Variants in HOXA10 observed in about 807,000 individuals in gnomAD.
HOXA10 encodes homeobox protein Hox-A10.
A neutral mutation model predicts 29.7 loss-of-function variants in HOXA10; 12 were observed. The ratio of observed to expected loss-of-function variants is 0.40; its 90% confidence interval spans 0.26 to 0.65. The LOEUF (loss-of-function observed/expected upper bound fraction) is 0.65, where lower values mean the gene tolerates loss of function less well. Ranked by LOEUF, HOXA10 falls within the 30% of genes least tolerant of loss-of-function variation. HOXA10 has a pLI of 0.37. For synonymous variants in HOXA10, 327 were observed against 280.7 expected (o/e 1.16, Z -1.65); for missense variants, 656 against 585.9 (o/e 1.12, Z -1.24).
At position 27,173,761 on chromosome 7, in the gene HOXA10, C is replaced by T. The variant is rs373374162; in HGVS notation, c.546G>A (p.Ser182=). 4.4e-6 allele frequency: 7 copies of T among 1,606,358 alleles called. No individual in the cohort carries two copies. Among genetic ancestry groups the T allele is most frequent in the African/African-American group, 1.3e-5 (1 of 74,716 alleles). ...YDSADKCPKV[S]ATAAELAPFP... is the part of the protein sequence containing the mutation. ...AGGGAGCCAGTTCGGCGGCGGTGGC[C>T]GAGACTTTGGGGCATTTGTCCGCCG... The change falls in exon 1 of 2, where the codon TCG becomes TCA. Residue 182 remains serine (S), a synonymous_variant. Transcript: ENST00000283921.
chr7:27,175,027 G>C (rs1783628767), upstream of HOXA10: 1 of 152,238 alleles, frequency 6.6e-6, no homozygotes, highest in South Asian at 2.1e-4. Flanking sequence ...TTCTCCTCTG[G>C]TGTTGTGCTC....
At chr7:27,178,111 T>G (rs1055881620), upstream of HOXA10, among the ~76,000 whole-genome samples, 5 of 152,214 alleles carry the variant, frequency 3.3e-5, no homozygotes, top group African/African-American at 9.6e-5. Context: ...AGATCGAAAC[T>G]GCTAGTAAAC....
In HOXA10 at chr7:27,173,829, C is replaced by T; in HGVS notation, c.478G>A (p.Ala160Thr). 6.2e-7 allele frequency: 1 copy of T among 1,610,898 alleles called. No individual in the cohort carries two copies. The highest frequency in any genetic ancestry group is 8.5e-7 in the Non-Finnish European group (1 of 1,178,618). ...GAGCTCTCTTCTTTGATGTTCTGCG[C>T]GAAAGAGCACGAGGTGGCCTGCGGC... is the stretch of plus-strand genomic sequence containing the variant. ...PAPQATSCSF[A>T]QNIKEESSYC... Residue 160 changes from alanine (A) to threonine (T), a missense_variant, in exon 1 of 2, where the codon GCG becomes ACG. Around this residue, in one of 2 missense-constraint regions of HOXA10, gnomAD observed 594 missense variants for 491.9 expected, o/e 1.21. Coordinates refer to ENST00000283921, the MANE Select transcript of HOXA10 (RefSeq NM_018951.4).
At position 27,173,918 on chromosome 7, in the gene HOXA10, G is replaced by A; in HGVS notation, c.389C>T (p.Pro130Leu). Residue 130 changes from proline to leucine, a missense_variant, in exon 1 of 2, where the codon CCT becomes CTT. Pro to Leu is a moderately conservative substitution (Grantham distance 98). This residue lies in a region of HOXA10 where 594 missense variants were observed against 491.9 expected (regional missense o/e 1.21). Transcript: ENST00000283921. ...DAPRSCRMEP[P>L]DGPPPPPQQQ... ...CTGGGGCGGCGGCGGCGGCCCGTCA[G>A]GCGGCTCCATCCGGCAAGACCGGGG... The A allele has an allele frequency of 6.6e-7, 1 of 1,522,610 alleles. No individual in the cohort carries two copies. The highest frequency in any genetic ancestry group is 8.8e-7 in the Non-Finnish European group (1 of 1,137,172). 94.3% of individuals were successfully genotyped at this position (1,522,610 alleles called of 1,614,324 possible).
At position 27,171,200 on chromosome 7, in the gene HOXA10, A is replaced by G. The variant is rs770477352; in HGVS notation, c.*699T>C. 13 of 454,094 alleles carry G rather than the reference A, an allele frequency of 2.9e-5. No individual in the cohort carries two copies. The highest frequency in any genetic ancestry group is 5.7e-5 in the Non-Finnish European group (13 of 226,780). 28.1% of individuals were successfully genotyped at this position (454,094 alleles called of 1,614,324 possible). A position where few individuals can be genotyped will look rare whatever the true frequency, so the allele number is the denominator to read the frequency against. On this transcript the variant is annotated 3_prime_UTR_variant, in exon 2 of 2. Transcript: ENST00000283921. ...TAAGACCTTACAGAAACTGGAAGAGAAGTCCCCTTCTCTTGGTAATTCTTT... is the reference window on the plus strand; with the variant it reads ...TAAGACCTTACAGAAACTGGAAGAGGAGTCCCCTTCTCTTGGTAATTCTTT...
Position 27,170,867 on chromosome 7 carries a change from T to A in HOXA10, c.*1032A>T, listed in dbSNP as rs1783457649. 2.2e-6 allele frequency: 1 copy of A among 454,400 alleles called. No homozygotes were observed. The highest frequency in any genetic ancestry group is 1.6e-5 in the South Asian group (1 of 64,474). 28.1% of individuals were successfully genotyped at this position (454,400 alleles called of 1,614,324 possible). A position where few individuals can be genotyped will look rare whatever the true frequency, so the allele number is the denominator to read the frequency against. On this transcript the variant is annotated 3_prime_UTR_variant, in exon 2 of 2. Coordinates refer to ENST00000283921, the MANE Select transcript of HOXA10 (RefSeq NM_018951.4). ...CCCTTTTATGCATGTAACTTCACAG[T>A]ATAAAGGAAATCCAAACAATGTCTC...
In HOXA10 at chr7:27,172,129, T is replaced by C; in HGVS notation, c.1003A>G (p.Ser335Gly). Reference protein sequence around the residue: ...ENAANWLTAKSGRKKRCPYTK... With the variant: ...ENAANWLTAKGGRKKRCPYTK... ...TAGGGGCAGCGCTTCTTCCGACCAC[T>C]CTTTGCCGTGAGCCAGTTGGCTGCG... The change falls in exon 2 of 2, where the codon AGT becomes GGT. Residue 335 changes from serine (S) to glycine (G), a missense_variant. Ser to Gly is a moderately conservative substitution (Grantham distance 56). Coordinates refer to ENST00000283921, the MANE Select transcript of HOXA10 (RefSeq NM_018951.4). 1.2e-6 allele frequency: 2 copies of C among 1,614,156 alleles called. No individual in the cohort carries two copies. Among genetic ancestry groups the C allele is most frequent in the Non-Finnish European group, 1.7e-6 (2 of 1,180,018 alleles).
upstream of HOXA10, among the ~76,000 whole-genome samples, chr7:27,177,516 TA>T (rs1783675511): frequency 6.6e-6 from 1 of 152,132 alleles, no homozygotes; most frequent in Non-Finnish European, 1.5e-5. Flanking sequence ...AAGCTCAAGT[TA>T]AACGCCTCCT....
Position 27,173,548 on chromosome 7 carries a change from C to T in HOXA10, c.759G>A (p.Pro253=). The T allele has an allele frequency of 1.4e-6, 2 of 1,453,994 alleles. No homozygotes were observed. The highest frequency in any genetic ancestry group is 1.4e-5 in the South Asian group (1 of 70,638). The allele number at this position is 1,453,994 out of a possible 1,614,324, so 90.1% of individuals were successfully genotyped here. ...CGGCCGAGCCGGAGGCTAGCGCGGG[C>T]GGGAGATCGAAACCGCGCCCCGGGG... ...AQPPGRGFDL[P]PALASGSADA... is the part of the protein sequence containing the mutation. The change falls in exon 1 of 2, where the codon CCG becomes CCA. Residue 253 remains proline (P), a synonymous_variant. Coordinates refer to ENST00000283921, the MANE Select transcript of HOXA10 (RefSeq NM_018951.4).
At chr7:27,174,528 G>T (rs75889309), upstream of HOXA10, among the ~76,000 whole-genome samples, 3,424 of 152,314 alleles carry the variant, frequency 0.022, 113 homozygotes, top group African/African-American at 0.078. Flanking sequence ...CCCGAAGGCC[G>T]GGAGCTGTGG....
At chr7:27,174,489 G>A (rs2115453644), upstream of HOXA10, among the ~76,000 whole-genome samples, 1 of 152,324 alleles carries the variant, frequency 6.6e-6, no homozygotes, top group South Asian at 2.1e-4. Flanking sequence ...CTGTATTGAT[G>A]GGCCAGGAGA....
Position 27,173,524 on chromosome 7 carries a change from G to T in HOXA10, c.783C>A (p.Ala261=), listed in dbSNP as rs1279432875. 5.5e-6 allele frequency: 8 copies of T among 1,459,066 alleles called. No homozygotes were observed. The highest frequency in any genetic ancestry group is 5.5e-5 in the Admixed American group (2 of 36,608). 90.4% of individuals were successfully genotyped at this position (1,459,066 alleles called of 1,614,324 possible). The change falls in exon 1 of 2, where the codon GCC becomes GCA. Residue 261 remains alanine (A), a synonymous_variant. Transcript: ENST00000283921. ...DLPPALASGS[A]DAARKERALD... is the part of the protein sequence containing the mutation. Reference sequence around the variant, plus strand: ...GGGCTCGCTCCTTCCGGGCCGCATCGGCCGAGCCGGAGGCTAGCGCGGGCG... The same window carrying T: ...GGGCTCGCTCCTTCCGGGCCGCATCTGCCGAGCCGGAGGCTAGCGCGGGCG...
At chr7:27,174,521 G>A (rs1028257556), upstream of HOXA10, among the ~76,000 whole-genome samples, 20 of 152,206 alleles carry the variant, frequency 1.3e-4, no homozygotes, top group Admixed American at 2.6e-4. Context: ...ACCTTGGCCC[G>A]AAGGCCGGGA....
In HOXA10 at chr7:27,171,760, T is replaced by A. The variant is rs765302128; in HGVS notation, c.*139A>T. The stretch of plus-strand genomic sequence containing the variant: ...TCAGAACAAACCAGCCCTGCACAGA[T>A]GTAACGGCCCAGGAGATGGCGAGTG... On this transcript the variant is annotated 3_prime_UTR_variant, in exon 2 of 2. Coordinates refer to ENST00000283921, the MANE Select transcript of HOXA10 (RefSeq NM_018951.4). 1.2e-6 allele frequency: 1 copy of A among 869,314 alleles called. No homozygotes were observed. Among genetic ancestry groups the A allele is most frequent in the Non-Finnish European group, 2.0e-6 (1 of 503,956 alleles). 53.9% of individuals were successfully genotyped at this position (869,314 alleles called of 1,614,324 possible).
chr7:27,176,382 C>T (rs142473886), upstream of HOXA10, among the ~76,000 whole-genome samples: 1 of 152,246 alleles, frequency 6.6e-6, no homozygotes, highest in Non-Finnish European at 1.5e-5. Context: ...GACGGACGAA[C>T]CTGAGTGCAG....
rs1413309313 is a variant in HOXA10, at chr7:27,173,623, G to A, written c.684C>T (p.Ser228=). The A allele has an allele frequency of 1.3e-6, 2 of 1,534,734 alleles. No homozygotes were observed. Among genetic ancestry groups the A allele is most frequent in the Admixed American group, 2.0e-5 (1 of 50,036 alleles). ...CGAGTTGCTGCGCGCCGCCGCCGCCGCTGCCATAGCCCTTGGCGGTGCCGT... is the reference window on the plus strand; with the variant it reads ...CGAGTTGCTGCGCGCCGCCGCCGCCACTGCCATAGCCCTTGGCGGTGCCGT... ...QAYGTAKGYG[S]GGGGAQQLGA... is the part of the protein sequence containing the mutation. Residue 228 remains serine, a synonymous_variant, in exon 1 of 2, where the codon AGC becomes AGT. Coordinates refer to ENST00000283921, the MANE Select transcript of HOXA10 (RefSeq NM_018951.4).
upstream of HOXA10, chr7:27,174,330 A>G: frequency 6.3e-7 from 1 of 1,597,132 alleles, no homozygotes; most frequent in Non-Finnish European, 8.5e-7. Flanking sequence ...CATGCTGAAT[A>G]CGATTAGCAA....
rs766300284 is a variant in HOXA10 at position 27,171,997 on chromosome 7, G to C, written c.1135C>G (p.Gln379Glu). The C allele has an allele frequency of 6.2e-7, 1 of 1,614,138 alleles. No individual in the cohort carries two copies. Among genetic ancestry groups the C allele is most frequent in the Admixed American group, 1.7e-5 (1 of 60,024 alleles). Residue 379 changes from glutamine to glutamate, a missense_variant, in exon 2 of 2, where the codon CAA (glutamine) becomes GAA (glutamate). Physicochemically the swap from Gln to Glu is conservative, Grantham distance 29. Transcript: ENST00000283921. ...ISRSVHLTDR[Q>E]VKIWFQNRRM... ...CGGTTCTGAAACCAGATTTTCACTTGTCTGTCCGTGAGGTGGACGCTGCGG... is the reference window on the plus strand; with the variant it reads ...CGGTTCTGAAACCAGATTTTCACTTCTCTGTCCGTGAGGTGGACGCTGCGG...
Position 27,171,673 on chromosome 7 carries a change from G to A in HOXA10, c.*226C>T. 1 of 689,700 alleles carries A rather than the reference G, an allele frequency of 1.4e-6. No individual in the cohort carries two copies. The highest frequency in any genetic ancestry group is 2.0e-5 in the Admixed American group (1 of 49,638). The allele number at this position is 689,700 out of a possible 1,614,324, so 42.7% of individuals were successfully genotyped here. A position where few individuals can be genotyped will look rare whatever the true frequency, so the allele number is the denominator to read the frequency against. ...TCTCTATAGAATTTTAGCATGATAT[G>A]GCTTTTTCCCCCAGAAAACAACAAA... On this transcript the variant is annotated 3_prime_UTR_variant, in exon 2 of 2. Coordinates refer to ENST00000283921, the MANE Select transcript of HOXA10 (RefSeq NM_018951.4).
Sources: allele counts gnomAD v4.1 joint callset (sites outside exome capture counted in the v4.1 genomes callset), GRCh38; gene constraint gnomAD v4.1.1; regional missense constraint gnomAD v4.1.1; transcripts MANE v1.5; gene names NCBI Gene and HGNC (gene_info 2026-07-23, HGNC 2026-07-21).